Variants in GANC observed in about 807,000 individuals in gnomAD.
The protein encoded by GANC is glucosidase alpha, neutral C, also known as neutral alpha-glucosidase C.
A neutral mutation model predicts 124.2 loss-of-function variants in GANC; 117 were observed. The observed-to-expected ratio is 0.94, with a 90% CI of 0.81 to 1.10. The LOEUF (loss-of-function observed/expected upper bound fraction) is 1.10, where lower values mean the gene tolerates loss of function less well. Among genes scored for constraint, GANC ranks in the 50% least tolerant of loss-of-function variants. The pLI, the probability that GANC is intolerant of heterozygous loss-of-function variation, is 0.00. For synonymous variants in GANC, 377 were observed against 376.8 expected, an observed-to-expected ratio of 1.00 and a Z score of -0.01; for missense variants, 1,140 against 1,095.0, an observed-to-expected ratio of 1.04 and a Z score of -0.58.
intron 6 of GANC, among the ~76,000 whole-genome samples, chr15:42,301,399 C>T (rs991866809): frequency 6.6e-6 from 1 of 152,076 alleles, no homozygotes; most frequent in Non-Finnish European, 1.5e-5. Flanking sequence ...GCCTACACCA[C>T]CAGGGCTGCA....
chr15:42,285,610 CA>C (rs745628995), intron 3 of GANC, among the ~76,000 whole-genome samples: 2 of 152,046 alleles, frequency 1.3e-5, no homozygotes, highest in South Asian at 2.1e-4. Flanking sequence ...GCCTGGTCAA[CA>C]TGGTGAAACC....
intron 6 of GANC, among the ~76,000 whole-genome samples, chr15:42,299,570 A>G (rs2051925679): frequency 6.6e-6 from 1 of 152,230 alleles, no homozygotes; most frequent in African/African-American, 2.4e-5. Flanking sequence ...CCATCAAACT[A>G]CCATTGACAT....
At chr15:42,285,979 A>G (rs996652073) in intron 3 of GANC, among the ~76,000 whole-genome samples, 2 of 151,786 alleles carry the variant, frequency 1.3e-5, no homozygotes, top group Non-Finnish European at 2.9e-5. Flanking sequence ...AACAGAACAT[A>G]CAGATCAGTC....
intron 19 of GANC, among the ~76,000 whole-genome samples, chr15:42,343,866 G>A (rs2052345087): frequency 6.6e-6 from 1 of 152,166 alleles, no homozygotes; most frequent in Non-Finnish European, 1.5e-5. Flanking sequence ...AGGGAGGAGG[G>A]TGTGGAAGGG....
At chr15:42,333,952 C>A (rs932456521) in intron 15 of GANC, among the ~76,000 whole-genome samples, 1 of 152,034 alleles carries the variant, frequency 6.6e-6, no homozygotes, top group Non-Finnish European at 1.5e-5. Flanking sequence ...CATATGTGAT[C>A]AATTGCTTTG....
At chr15:42,312,201 A>G (rs564565121) in intron 10 of GANC, among the ~76,000 whole-genome samples, 21 of 152,352 alleles carry the variant, frequency 1.4e-4, no homozygotes, top group African/African-American at 4.6e-4. Context: ...AGGGACCTGA[A>G]TAGCCAAAAC....
chr15:42,287,558 TA>T (rs1310344248), intron 3 of GANC, 132 bp from the exon 4 acceptor site: 56 of 839,782 alleles, frequency 6.7e-5, no homozygotes, highest in Non-Finnish European at 1.8e-6. Flanking sequence ...CTTTTTTTTT[TA>T]ATTGCCATTG....
intron 16 of GANC, 109 bp from the exon 17 acceptor site, chr15:42,339,560 A>T: frequency 7.8e-7 from 1 of 1,275,732 alleles, no homozygotes; most frequent in Non-Finnish European, 1.1e-6. Context: ...CTGTCATTTG[A>T]AGTGCATATA....
intron 11 of GANC, among the ~76,000 whole-genome samples, chr15:42,322,423 G>T (rs1595778021): frequency 6.6e-6 from 1 of 152,174 alleles, no homozygotes; most frequent in Admixed American, 6.5e-5. Context: ...CTCCCAAGCT[G>T]GTTTGAAAAT....
intron 3 of GANC, chr15:42,280,792 G>A (rs1012042790): frequency 3.1e-5 from 19 of 608,630 alleles, no homozygotes; most frequent in Middle Eastern, 4.3e-4. Flanking sequence ...GTGGTGAGCC[G>A]AAATGAAAAT....
intron 15 of GANC, among the ~76,000 whole-genome samples, chr15:42,334,513 A>G (rs879540553): frequency 1.3e-5 from 2 of 152,236 alleles, no homozygotes; most frequent in Non-Finnish European, 2.9e-5. Flanking sequence ...TAGAAAGAAC[A>G]CAAAAAGCAT....
chr15:42,307,977 C>G (rs2052014376), intron 7 of GANC, among the ~76,000 whole-genome samples: 1 of 152,202 alleles, frequency 6.6e-6, no homozygotes, highest in Non-Finnish European at 1.5e-5. Flanking sequence ...CAGAGAGCTT[C>G]ATCACACAGC....
intron 15 of GANC, among the ~76,000 whole-genome samples, chr15:42,333,064 C>T (rs1275361717): frequency 2.7e-5 from 4 of 149,808 alleles, no homozygotes; most frequent in African/African-American, 9.8e-5. Context: ...AGCAGTGGCT[C>T]ATGTCTGTAA....
chr15:42,351,410 T>A lies in GANC; in HGVS notation c.2613T>A (p.Ser871=), dbSNP rs769446469. The change falls in exon 23 of 24, where the codon TCT becomes TCA. Residue 871 remains serine (S), a synonymous_variant. Coordinates refer to ENST00000318010, the MANE Select transcript of GANC (RefSeq NM_198141.3). The part of the protein sequence containing the change: ...ILVLGFRKEP[S]SVTTHSSDGK... Reference sequence around the variant, plus strand: ...TCTTAGGCTTCAGGAAGGAGCCATCTTCTGTGACTACCCACTCATCTGGTG... The same window carrying A: ...TCTTAGGCTTCAGGAAGGAGCCATCATCTGTGACTACCCACTCATCTGGTG... 6.2e-7 allele frequency: 1 copy of A among 1,613,398 alleles called. No homozygotes were observed. Among genetic ancestry groups the A allele is most frequent in the Non-Finnish European group, 8.5e-7 (1 of 1,179,304 alleles).
intron 14 of GANC, among the ~76,000 whole-genome samples, chr15:42,329,781 G>A (rs2052227926): frequency 6.6e-6 from 1 of 152,116 alleles, no homozygotes. Flanking sequence ...ATATAAATAT[G>A]TGAATGAAGG....
At chr15:42,278,697 A>T (rs2051701321) in intron 3 of GANC, 107 bp downstream of exon 3, 1 of 741,486 alleles carries the variant, frequency 1.3e-6, no homozygotes, top group Non-Finnish European at 2.2e-6. Flanking sequence ...CTCGTTAGAA[A>T]AGGAATATCA....
intron 1 of GANC, among the ~76,000 whole-genome samples, chr15:42,275,287 T>A (rs928688925): frequency 6.6e-6 from 1 of 152,080 alleles, no homozygotes; most frequent in Non-Finnish European, 1.5e-5. Context: ...GGCAGGAAGA[T>A]AGCCTGAGCC....
chr15:42,313,305 A>G (rs958259162), intron 10 of GANC, among the ~76,000 whole-genome samples: 1 of 152,224 alleles, frequency 6.6e-6, no homozygotes, highest in Non-Finnish European at 1.5e-5. Flanking sequence ...GAAAACAGGT[A>G]AATCTTCATG....
chr15:42,338,271 A>C lies in GANC; in HGVS notation c.1742-118A>C, dbSNP rs2052299200. 16 of 554,456 alleles carry C rather than the reference A, an allele frequency of 2.9e-5. No homozygotes were observed. The South Asian group carries it at 4.3e-4, about 15-fold the overall frequency. The allele number at this position is 554,456 out of a possible 1,614,324, so 34.3% of individuals were successfully genotyped here. ...AGAAAATTAGAATTTATTTATTTTA[A>C]GGCAAGAAATTGGTTTTCCTTTTCA... On this transcript the variant is annotated intron_variant, in intron 15 of 23. Coordinates refer to ENST00000318010, the MANE Select transcript of GANC (RefSeq NM_198141.3).
Sources: gnomAD v4.1 joint callset for allele counts (sites outside exome capture counted in the v4.1 genomes callset) on GRCh38, gnomAD v4.1.1 for gene constraint, MANE v1.5 for transcripts, NCBI Gene and HGNC (gene_info 2026-07-23, HGNC 2026-07-21) for gene names.